GRIA1: variants seen among roughly 807,000 people sequenced by gnomAD.
The protein encoded by GRIA1 is glutamate receptor 1.
A neutral mutation model predicts 99.2 loss-of-function variants in GRIA1; 31 were observed. That is an observed-to-expected ratio of 0.31 (90% confidence interval 0.23 to 0.42). The LOEUF is 0.42. Among genes scored for constraint, GRIA1 ranks in the 10% least tolerant of loss-of-function variants. The pLI is 1.00. For missense variants in GRIA1, 782 were observed against 1,157.5 expected (o/e 0.68, Z 4.71); for synonymous variants, 438 against 432.4 (o/e 1.01, Z -0.16).
chr5:153,610,334 T>C (rs1765870323), intron 2 of GRIA1, among the ~76,000 whole-genome samples: 1 of 152,190 alleles, frequency 6.6e-6, no homozygotes, highest in Non-Finnish European at 1.5e-5. Flanking sequence ...TGTTCAACTC[T>C]CCCTTTCAGT....
chr5:153,573,326 A>G (rs1307071995), intron 2 of GRIA1: 2 of 152,168 alleles, frequency 1.3e-5, no homozygotes, highest in Non-Finnish European at 2.9e-5. Context: ...TTATCTTTCT[A>G]GTGATATATA....
At position 153,739,088 on chromosome 5, in the gene GRIA1, C is replaced by CAAA. The variant is rs34623069; in HGVS notation, c.1824-25333_1824-25331dup. On this transcript the variant is annotated intron_variant, in intron 11 of 15. Coordinates refer to ENST00000285900, the MANE Select transcript of GRIA1 (RefSeq NM_000827.4). ...CCATTCTGCAAGGCAGGGATTTCTC[C>CAAA]AAAAAAAAAAAAAAATGTGAATGGG... Among the ~76,000 whole-genome samples, 356 of 139,420 alleles carry CAAA rather than the reference C, an allele frequency of 2.6e-3. 3 individuals are homozygous for CAAA. Among genetic ancestry groups the CAAA allele is most frequent in the South Asian group, 9.2e-3 (40 of 4,366 alleles). The allele number at this position is 139,420 out of a possible 152,430, so 91.5% of individuals were successfully genotyped here. A position where few individuals can be genotyped will look rare whatever the true frequency, so the allele number is the denominator to read the frequency against.
chr5:153,571,565 A>G (rs1762122898), intron 2 of GRIA1, among the ~76,000 whole-genome samples: 1 of 152,194 alleles, frequency 6.6e-6, no homozygotes. Context: ...TTAAAACTAT[A>G]CATGAGTCGT....
intron 12 of GRIA1, among the ~76,000 whole-genome samples, chr5:153,765,633 G>A (rs917375141): frequency 1.8e-4 from 28 of 152,120 alleles, no homozygotes; most frequent in African/African-American, 6.8e-4. Context: ...CGAGAAGCAG[G>A]AAAACCTGTG....
chr5:153,613,993 C>A (rs1053495814), intron 2 of GRIA1, among the ~76,000 whole-genome samples: 1 of 152,240 alleles, frequency 6.6e-6, no homozygotes, highest in Non-Finnish European at 1.5e-5. Context: ...TGTAGCCACA[C>A]AGGCCTTTAG....
chr5:153,681,136 A>G (rs28637689), intron 7 of GRIA1, among the ~76,000 whole-genome samples: 23,559 of 152,178 alleles, frequency 0.15, 2,416 homozygotes, highest in East Asian at 0.53. Flanking sequence ...CAGAGTGTAA[A>G]GGAAGAGACA....
chr5:153,580,668 T>A (rs1013804742), intron 2 of GRIA1, among the ~76,000 whole-genome samples: 1 of 152,174 alleles, frequency 6.6e-6, no homozygotes, highest in African/African-American at 2.4e-5. Context: ...AGATGCAGGA[T>A]GTTCATCTCA....
At chr5:153,689,236 C>A (rs1757566335) in intron 8 of GRIA1, among the ~76,000 whole-genome samples, 1 of 152,082 alleles carries the variant, frequency 6.6e-6, no homozygotes, top group Admixed American at 6.6e-5. Context: ...CACCTCCTGC[C>A]TTGACAATGA....
At chr5:153,674,468 G>A (rs1488222558) in intron 5 of GRIA1, 32 bp from the exon 6 acceptor site, 2 of 1,612,988 alleles carry the variant, frequency 1.2e-6, no homozygotes, top group Admixed American at 1.7e-5. Context: ...CAGGCAGCAT[G>A]TTCTAACTTC....
At chr5:153,709,701 A>G (rs1269197836) in intron 11 of GRIA1, among the ~76,000 whole-genome samples, 2 of 152,208 alleles carry the variant, frequency 1.3e-5, no homozygotes, top group African/African-American at 4.8e-5. Flanking sequence ...AACAGCATGA[A>G]GGAAAAAAAG....
intron 11 of GRIA1, among the ~76,000 whole-genome samples, chr5:153,750,711 C>T (rs1465290315): frequency 2.0e-5 from 3 of 152,174 alleles, no homozygotes; most frequent in African/African-American, 4.8e-5. Flanking sequence ...AGTAACTCTG[C>T]CAGCCACTTT....
In GRIA1 at chr5:153,798,191, T is replaced by C. The variant is rs13361388; in HGVS notation, c.2385+3456T>C. ...TGTTTATTTAAAAGCTCTCCTTTGG[T>C]TGAACCAAATCCACCTCCCCATAAT... On this transcript the variant is annotated intron_variant, in intron 14 of 15. Coordinates refer to ENST00000285900, the MANE Select transcript of GRIA1 (RefSeq NM_000827.4). 4.3e-3 allele frequency among the ~76,000 whole-genome samples: 652 copies of C among 152,322 alleles called. 3 individuals are homozygous for C. Among genetic ancestry groups the C allele is most frequent in the African/African-American group, 0.015 (617 of 41,572 alleles).
At chr5:153,594,804 C>G (rs745885797) in intron 2 of GRIA1, among the ~76,000 whole-genome samples, 2 of 151,754 alleles carry the variant, frequency 1.3e-5, no homozygotes, top group African/African-American at 4.8e-5. Flanking sequence ...AGTCCACCCC[C>G]AGTCTTCTGC....
intron 2 of GRIA1, among the ~76,000 whole-genome samples, chr5:153,531,078 A>G (rs115666662): frequency 0.015 from 2,295 of 152,318 alleles, 26 homozygotes; most frequent in South Asian, 0.023. Context: ...GAAGAGATAC[A>G]TGAGCTAAGA....
rs550532363 is a variant in GRIA1, at chr5:153,634,088, G to A, written c.221-12840G>A. Among the ~76,000 whole-genome samples, 13 of 152,160 alleles carry A rather than the reference G, an allele frequency of 8.5e-5. No homozygotes were observed. The East Asian group carries it at 1.4e-3, about 16-fold the overall frequency. On this transcript the variant is annotated intron_variant, in intron 2 of 15. Transcript: ENST00000285900. The stretch of plus-strand genomic sequence containing the variant: ...TCCCAGCATTTTGGGAGGCCGAGGC[G>A]GGTGGATCACAAGGTCAGGACATCG...
chr5:153,714,859 A>T (rs1581523593), intron 11 of GRIA1, among the ~76,000 whole-genome samples: 1 of 152,198 alleles, frequency 6.6e-6, no homozygotes. Flanking sequence ...AGTCCAAGAC[A>T]CCCAGCAGAA....
chr5:153,574,197 G>C (rs1022586029), intron 2 of GRIA1, among the ~76,000 whole-genome samples: 2 of 152,090 alleles, frequency 1.3e-5, no homozygotes, highest in Non-Finnish European at 2.9e-5. Context: ...CATCAGCAAG[G>C]GTGTTACTAT....
At chr5:153,752,139 T>C (rs1762547706) in intron 11 of GRIA1, among the ~76,000 whole-genome samples, 1 of 150,524 alleles carries the variant, frequency 6.6e-6, no homozygotes, top group Admixed American at 6.6e-5. Context: ...AATGGAAGAA[T>C]GATAGTGGTT....
intron 2 of GRIA1, among the ~76,000 whole-genome samples, chr5:153,503,562 C>A (rs1274612747): frequency 1.3e-5 from 2 of 152,138 alleles, no homozygotes; most frequent in Non-Finnish European, 2.9e-5. Flanking sequence ...GGAAGGTGTT[C>A]ATTACCCATA....
Sources: gnomAD v4.1 joint callset for allele counts (sites outside exome capture counted in the v4.1 genomes callset) on GRCh38, gnomAD v4.1.1 for gene constraint, MANE v1.5 for transcripts, NCBI Gene and HGNC (gene_info 2026-07-23, HGNC 2026-07-21) for gene names.